TMEM132D: variants seen among roughly 807,000 people sequenced by gnomAD.
The protein encoded by TMEM132D is mature OL transmembrane protein.
In TMEM132D, 21 loss-of-function variants were observed where a neutral mutation model predicts 62.3. The observed-to-expected ratio is 0.34, with a 90% CI of 0.24 to 0.49. TMEM132D has a LOEUF of 0.49. TMEM132D is among the 20% of genes least tolerant of loss of function. TMEM132D has a pLI of 0.99. For missense variants in TMEM132D, 1,346 were observed against 1,402.8 expected (o/e 0.96, Z 0.65); for synonymous variants, 621 against 575.6 (o/e 1.08, Z -1.13).
chr12:129,500,119 T>TTG (rs1875087472), intron 3 of TMEM132D, among the ~76,000 whole-genome samples: 1 of 127,424 alleles, frequency 7.8e-6, no homozygotes, highest in Non-Finnish European at 1.6e-5. Context: ...TGTCCCCCAC[T>TTG]TCAGTCGATT....
intron 4 of TMEM132D, among the ~76,000 whole-genome samples, chr12:129,285,663 A>G (rs1461426427): frequency 6.6e-6 from 1 of 152,104 alleles, no homozygotes. Flanking sequence ...ACTAAAATTT[A>G]CTTTCATCAT....
At chr12:129,438,933 A>G (rs1218721098) in intron 3 of TMEM132D, among the ~76,000 whole-genome samples, 1 of 152,138 alleles carries the variant, frequency 6.6e-6, no homozygotes, top group Non-Finnish European at 1.5e-5. Flanking sequence ...GACACATGGA[A>G]TCTGCTTTGA....
chr12:129,484,487 T>G (rs926067740), intron 3 of TMEM132D, among the ~76,000 whole-genome samples: 1 of 152,208 alleles, frequency 6.6e-6, no homozygotes, highest in South Asian at 2.1e-4. Flanking sequence ...TCTAGAAAGG[T>G]CGCAAAGATT....
chr12:129,106,372 T>A (rs1029965091), intron 5 of TMEM132D, among the ~76,000 whole-genome samples: 5 of 151,690 alleles, frequency 3.3e-5, no homozygotes, highest in Non-Finnish European at 7.4e-5. Context: ...CATATGTAAC[T>A]AACCTGCACA....
chr12:129,628,941 C>T (rs1879288596), intron 2 of TMEM132D, among the ~76,000 whole-genome samples: 1 of 150,920 alleles, frequency 6.6e-6, no homozygotes, highest in Non-Finnish European at 1.5e-5. Context: ...TCTCTCTCTC[C>T]TCTCTTTCTC....
chr12:129,128,052 G>A (rs1177911355), intron 5 of TMEM132D, among the ~76,000 whole-genome samples: 1 of 152,128 alleles, frequency 6.6e-6, no homozygotes, highest in African/African-American at 2.4e-5. Context: ...GTAAAATCAT[G>A]TCAGTTCTGG....
intron 4 of TMEM132D, among the ~76,000 whole-genome samples, chr12:129,258,538 A>G (rs915031639): frequency 1.3e-5 from 2 of 152,188 alleles, no homozygotes; most frequent in African/African-American, 2.4e-5. Context: ...TGACTGTCCT[A>G]AATTAATTCA....
At chr12:129,175,749 A>G (rs1877886118) in intron 5 of TMEM132D, among the ~76,000 whole-genome samples, 1 of 152,236 alleles carries the variant, frequency 6.6e-6, no homozygotes, top group East Asian at 1.9e-4. Flanking sequence ...GTACCTACTT[A>G]GCCTGTGTAG....
At chr12:129,706,099 T>A (rs1283166851) in intron 1 of TMEM132D, among the ~76,000 whole-genome samples, 1 of 151,730 alleles carries the variant, frequency 6.6e-6, no homozygotes, top group Non-Finnish European at 1.5e-5. Flanking sequence ...TAAACAAAAA[T>A]AGAAAACAAA....
At chr12:129,843,905 A>G (rs936730055) in intron 1 of TMEM132D, among the ~76,000 whole-genome samples, 4 of 151,990 alleles carry the variant, frequency 2.6e-5, no homozygotes, top group African/African-American at 9.7e-5. Flanking sequence ...CCTGGGCAAT[A>G]TAGTAAGACC....
chr12:129,776,233 C>A (rs1870917330), intron 1 of TMEM132D, among the ~76,000 whole-genome samples: 1 of 152,088 alleles, frequency 6.6e-6, no homozygotes, highest in South Asian at 2.1e-4. Flanking sequence ...TGCTCCATAA[C>A]CACACGGACG....
At position 129,408,411 on chromosome 12, in the gene TMEM132D, G is replaced by A. The variant is rs925515952; in HGVS notation, c.1116-70594C>T. Among the ~76,000 whole-genome samples the A allele has an allele frequency of 2.7e-5, 4 of 149,838 alleles. No homozygotes were observed. In the South Asian group the frequency reaches 8.4e-4, roughly 32 times the overall value. ...TCATATTGCATTTATAGATTACTTTGTGGTGAGTCAATCACTTTTTGATAG... is the reference window on the plus strand; with the variant it reads ...TCATATTGCATTTATAGATTACTTTATGGTGAGTCAATCACTTTTTGATAG... On this transcript the variant is annotated intron_variant, in intron 3 of 8. Transcript: ENST00000422113.
chr12:129,360,403 A>C (rs571757060), intron 3 of TMEM132D, among the ~76,000 whole-genome samples: 1 of 152,368 alleles, frequency 6.6e-6, no homozygotes. Flanking sequence ...ACTTTTCTGC[A>C]CTGAGATCTT....
chr12:129,829,286 G>A (rs116992110), intron 1 of TMEM132D, among the ~76,000 whole-genome samples: 2 of 152,086 alleles, frequency 1.3e-5, no homozygotes, highest in Non-Finnish European at 2.9e-5. Context: ...TCTGAAATAC[G>A]ACGGCCACAG....
At chr12:129,706,710 G>A (rs770635829) in intron 1 of TMEM132D, among the ~76,000 whole-genome samples, 17 of 151,610 alleles carry the variant, frequency 1.1e-4, no homozygotes, top group Non-Finnish European at 1.8e-4. Context: ...AAGGCTACAA[G>A]GAGACAATAA....
intron 1 of TMEM132D, among the ~76,000 whole-genome samples, chr12:129,902,677 G>C (rs1052786283): frequency 6.6e-6 from 1 of 152,186 alleles, no homozygotes; most frequent in Admixed American, 6.5e-5. Flanking sequence ...GGAAGGGTGA[G>C]CGCCAGACCC....
intron 1 of TMEM132D, among the ~76,000 whole-genome samples, chr12:129,828,494 T>G (rs1872720449): frequency 6.6e-6 from 1 of 151,292 alleles, no homozygotes; most frequent in South Asian, 2.1e-4. Flanking sequence ...TTCCTTCCCC[T>G]CCCAATATCA....
At chr12:129,820,788 T>C (rs1462784433) in intron 1 of TMEM132D, among the ~76,000 whole-genome samples, 3 of 152,212 alleles carry the variant, frequency 2.0e-5, no homozygotes, top group Non-Finnish European at 4.4e-5. Flanking sequence ...AGGATTTTGC[T>C]ATGTTGCCCA....
At chr12:129,554,328 C>A (rs897066670) in intron 2 of TMEM132D, among the ~76,000 whole-genome samples, 2 of 152,118 alleles carry the variant, frequency 1.3e-5, no homozygotes, top group East Asian at 3.9e-4. Context: ...CACTAAGTAA[C>A]GATGCCAGGT....
Sources: gnomAD v4.1 joint callset for allele counts (sites outside exome capture counted in the v4.1 genomes callset) on GRCh38, gnomAD v4.1.1 for gene constraint, MANE v1.5 for transcripts, NCBI Gene and HGNC (gene_info 2026-07-23, HGNC 2026-07-21) for gene names.